Variants in RBFOX1 observed in about 807,000 individuals in gnomAD.
The protein encoded by RBFOX1 is RNA binding protein fox-1 homolog 1.
In RBFOX1, 8 loss-of-function variants were observed where a neutral mutation model predicts 57.7. That is an observed-to-expected ratio of 0.14 (90% confidence interval 0.08 to 0.25). RBFOX1 has a LOEUF of 0.25. Ranked by LOEUF, RBFOX1 falls within the 10% of genes least tolerant of loss-of-function variation. RBFOX1 has a pLI of 1.00. For synonymous variants in RBFOX1, 326 were observed against 222.4 expected (o/e 1.47, Z -4.15); for missense variants, 611 against 548.5 (o/e 1.11, Z -1.14).
At chr16:5,449,048 A>G (rs1364532280) in intron 1 of RBFOX1, among the ~76,000 whole-genome samples, 1 of 151,988 alleles carries the variant, frequency 6.6e-6, no homozygotes, top group African/African-American at 2.4e-5. Flanking sequence ...TGCCCCAAAG[A>G]CTGGACACGT....
intron 1 of RBFOX1, among the ~76,000 whole-genome samples, chr16:5,462,884 A>G (rs2068836327): frequency 6.6e-6 from 1 of 152,174 alleles, no homozygotes; most frequent in African/African-American, 2.4e-5. Context: ...GAGCCCCACG[A>G]CAAAGAATAA....
At chr16:7,051,941 T>C in intron 3 of RBFOX1, 116 bp from the exon 4 acceptor site, 1 of 1,443,016 alleles carries the variant, frequency 6.9e-7, no homozygotes, top group Non-Finnish European at 9.4e-7. Context: ...AATACATAAT[T>C]AATTAATTAT....
At chr16:5,397,845 CACTT>C (rs956126900) in intron 1 of RBFOX1, among the ~76,000 whole-genome samples, 1 of 152,054 alleles carries the variant, frequency 6.6e-6, no homozygotes, top group African/African-American at 2.4e-5. Context: ...GTTTTAAAGC[CACTT>C]ACTTGTTAGG....
At chr16:5,248,865 A>G (rs930488092) in intron 1 of RBFOX1, among the ~76,000 whole-genome samples, 1 of 151,906 alleles carries the variant, frequency 6.6e-6, no homozygotes, top group African/African-American at 2.4e-5. Flanking sequence ...GTGGACACCT[A>G]TAATCCCAGC....
At chr16:7,039,413 C>G (rs1009748342) in intron 3 of RBFOX1, among the ~76,000 whole-genome samples, 2 of 152,172 alleles carry the variant, frequency 1.3e-5, no homozygotes, top group Admixed American at 1.3e-4. Flanking sequence ...TGGGTGTGTT[C>G]TCCAAGCTAT....
At chr16:7,684,642 T>C (rs2075667078) in intron 14 of RBFOX1, among the ~76,000 whole-genome samples, 1 of 151,948 alleles carries the variant, frequency 6.6e-6, no homozygotes, top group South Asian at 2.1e-4. Context: ...AAAACATGAT[T>C]GTTAGATGCT....
intron 3 of RBFOX1, among the ~76,000 whole-genome samples, chr16:5,821,190 A>T (rs2055839933): frequency 6.6e-6 from 1 of 150,990 alleles, no homozygotes; most frequent in Non-Finnish European, 1.5e-5. Context: ...GGGAGATAAC[A>T]TGGGGGGCTG....
intron 2 of RBFOX1, among the ~76,000 whole-genome samples, chr16:6,421,246 G>A (rs937776081): frequency 2.3e-4 from 35 of 152,166 alleles, no homozygotes; most frequent in Admixed American, 2.2e-3. Flanking sequence ...AGGGCAGCCC[G>A]CATCTCTGCT....
intron 1 of RBFOX1, among the ~76,000 whole-genome samples, chr16:5,465,698 A>C (rs1052954338): frequency 6.6e-6 from 1 of 152,180 alleles, no homozygotes; most frequent in Non-Finnish European, 1.5e-5. Context: ...CAAACATACT[A>C]ATAATAGCTG....
chr16:5,530,965 A>T (rs941938222), intron 2 of RBFOX1, among the ~76,000 whole-genome samples: 3 of 120,780 alleles, frequency 2.5e-5, no homozygotes, highest in Non-Finnish European at 4.9e-5. Flanking sequence ...AAAAAAAAAA[A>T]AAAAAAAAAA....
At chr16:5,474,058 A>G (rs1227963452) in intron 2 of RBFOX1, among the ~76,000 whole-genome samples, 2 of 151,918 alleles carry the variant, frequency 1.3e-5, no homozygotes, top group African/African-American at 4.8e-5. Flanking sequence ...GGAAGGATGA[A>G]TGGGTGCATG....
At chr16:6,506,120 G>C (rs2096082331) in intron 2 of RBFOX1, among the ~76,000 whole-genome samples, 1 of 152,190 alleles carries the variant, frequency 6.6e-6, no homozygotes, top group Non-Finnish European at 1.5e-5. Context: ...AAGTGGCACT[G>C]AGCTGAGAGT....
Position 5,665,135 on chromosome 16 carries a change from G to C in RBFOX1, c.318+66174G>C, listed in dbSNP as rs868584567. Among the ~76,000 whole-genome samples, 17 of 142,340 alleles carry C rather than the reference G, an allele frequency of 1.2e-4. 1 individual carries two copies. Among genetic ancestry groups the C allele is most frequent in the South Asian group, 2.5e-4 (1 of 4,026 alleles). The allele number at this position is 142,340 out of a possible 152,430, so 93.4% of individuals were successfully genotyped here. ...TAACTTTTTGATATTTTTACATGGG[G>C]GGGGGCGGTCTTGCTATATTGCCCA... On this transcript the variant is annotated intron_variant, in intron 3 of 19. Transcript: ENST00000641259.
chr16:5,483,218 C>A (rs142921082), intron 2 of RBFOX1, among the ~76,000 whole-genome samples: 3 of 152,176 alleles, frequency 2.0e-5, no homozygotes, highest in African/African-American at 4.8e-5. Flanking sequence ...TGGGATAGAG[C>A]CACTTTTTCT....
intron 3 of RBFOX1, among the ~76,000 whole-genome samples, chr16:6,854,525 T>G (rs545771655): frequency 2.0e-5 from 3 of 151,616 alleles, no homozygotes; most frequent in Non-Finnish European, 2.9e-5. Flanking sequence ...TTACCTGTTT[T>G]GCCTGGCCAA....
intron 3 of RBFOX1, among the ~76,000 whole-genome samples, chr16:5,647,900 C>G (rs2049103459): frequency 6.6e-6 from 1 of 152,148 alleles, no homozygotes; most frequent in Admixed American, 6.5e-5. Context: ...CATTCTGTCA[C>G]TCAGCCTGAA....
chr16:7,073,609 C>T (rs79244940), intron 4 of RBFOX1, among the ~76,000 whole-genome samples: 4,148 of 151,990 alleles, frequency 0.027, 88 homozygotes, highest in Middle Eastern at 0.051. Flanking sequence ...TTTGGGAGGT[C>T]GAGGTGAGTG....
chr16:7,058,888 A>T (rs2053354966), intron 4 of RBFOX1, among the ~76,000 whole-genome samples: 1 of 152,206 alleles, frequency 6.6e-6, no homozygotes, highest in Admixed American at 6.5e-5. Flanking sequence ...AATGTTACAT[A>T]TTGCCCGCAG....
At chr16:6,173,478 C>T (rs2096977582) in intron 1 of RBFOX1, among the ~76,000 whole-genome samples, 1 of 152,186 alleles carries the variant, frequency 6.6e-6, no homozygotes, top group South Asian at 2.1e-4. Flanking sequence ...TAGACACACA[C>T]ACACTCCACT....
Sources: allele counts gnomAD v4.1 joint callset (sites outside exome capture counted in the v4.1 genomes callset), GRCh38; gene constraint gnomAD v4.1.1; transcripts MANE v1.5; gene names NCBI Gene and HGNC (gene_info 2026-07-23, HGNC 2026-07-21).